ST7: variants seen among roughly 807,000 people sequenced by gnomAD.
ST7 encodes suppressor of tumorigenicity 7 protein.
Under a neutral mutation model 78.7 loss-of-function variants are expected in ST7, and 28 were observed. The ratio of observed to expected loss-of-function variants is 0.36; its 90% CI spans 0.26 to 0.49. ST7 has a LOEUF of 0.49. ST7 is among the 20% of genes least tolerant of loss of function. The pLI is 0.99. For synonymous variants in ST7, 247 were observed against 249.6 expected (o/e 0.99, Z 0.10); for missense variants, 418 against 696.0 (o/e 0.60, Z 4.49).
At chr7:117,014,920 C>G in intron 1 of ST7, 3 of 1,237,250 alleles carry the variant, frequency 2.4e-6, no homozygotes, top group Non-Finnish European at 3.1e-6. Context: ...CAGAACGGTT[C>G]GTCAGTCCAG....
At chr7:117,065,915 C>T (rs1446819523) in intron 1 of ST7, among the ~76,000 whole-genome samples, 1 of 152,186 alleles carries the variant, frequency 6.6e-6, no homozygotes, top group Non-Finnish European at 1.5e-5. Flanking sequence ...TATCATCTGA[C>T]CATGGTTCCT....
intron 9 of ST7, among the ~76,000 whole-genome samples, chr7:117,152,164 ATATATATAAAAAC>A (rs1336632399): frequency 8.3e-6 from 1 of 119,872 alleles, no homozygotes; most frequent in African/African-American, 3.5e-5. Context: ...TATATGTATT[ATATATATAAAAAC>A]TATATATATA....
At chr7:117,152,202 T>TATATATATATATATAC (rs1182698406) in intron 9 of ST7, among the ~76,000 whole-genome samples, 24 of 76,192 alleles carry the variant, frequency 3.1e-4, no homozygotes, top group African/African-American at 1.1e-3. Flanking sequence ...TATATATATA[T>TATATATATATATATAC]ATATATATAT....
At chr7:117,050,554 G>T (rs997850138) in intron 1 of ST7, among the ~76,000 whole-genome samples, 2 of 152,178 alleles carry the variant, frequency 1.3e-5, no homozygotes, top group African/African-American at 4.8e-5. Context: ...TTTATAATTT[G>T]TGTATATTTT....
intron 9 of ST7, among the ~76,000 whole-genome samples, chr7:117,142,355 C>T (rs182563715): frequency 1.2e-3 from 179 of 152,122 alleles, no homozygotes; most frequent in Non-Finnish European, 1.6e-3. Flanking sequence ...TTCTCAGCCT[C>T]AGCACTGTTG....
chr7:117,198,391 A>G (rs966584741), intron 12 of ST7: 1 of 450,746 alleles, frequency 2.2e-6, no homozygotes, highest in Non-Finnish European at 4.5e-6. Context: ...AGCCTGAAGA[A>G]GGACAACCAG....
chr7:117,012,798 G>C (rs1484376732), intron 1 of ST7, among the ~76,000 whole-genome samples: 1 of 152,168 alleles, frequency 6.6e-6, no homozygotes, highest in African/African-American at 2.4e-5. Flanking sequence ...GATGGGAGTT[G>C]AATCTTCTCT....
intron 13 of ST7, among the ~76,000 whole-genome samples, chr7:117,212,181 G>A (rs1358770255): frequency 1.3e-5 from 2 of 152,200 alleles, no homozygotes; most frequent in African/African-American, 4.8e-5. Context: ...AAGAGTGTTT[G>A]TTTAACTAGG....
chr7:117,126,630 A>T (rs775467969), intron 3 of ST7, among the ~76,000 whole-genome samples: 2 of 151,844 alleles, frequency 1.3e-5, no homozygotes, highest in Non-Finnish European at 2.9e-5. Context: ...CTTATGAGTG[A>T]TGGGGTGGGC....
chr7:116,968,198 T>C (rs1473176728), intron 1 of ST7, among the ~76,000 whole-genome samples: 1 of 152,096 alleles, frequency 6.6e-6, no homozygotes, highest in African/African-American at 2.4e-5. Context: ...TTTCTAATAT[T>C]CACTTTTTTT....
chr7:117,133,235 A>G (rs1035253219), intron 6 of ST7, among the ~76,000 whole-genome samples: 14 of 151,644 alleles, frequency 9.2e-5, no homozygotes, highest in Non-Finnish European at 2.1e-4. Flanking sequence ...TTTATGCTAC[A>G]TTTATCATCT....
At chr7:116,973,462 GC>G (rs2116271338) in intron 1 of ST7, among the ~76,000 whole-genome samples, 1 of 152,252 alleles carries the variant, frequency 6.6e-6, no homozygotes, top group East Asian at 1.9e-4. Flanking sequence ...TCCCCATGTT[GC>G]CCAGACTGAC....
chr7:117,174,444 C>G (rs1808216742), intron 10 of ST7, among the ~76,000 whole-genome samples: 1 of 152,150 alleles, frequency 6.6e-6, no homozygotes, highest in African/African-American at 2.4e-5. Context: ...AAGGTAATTG[C>G]TCACAGGAAG....
intron 9 of ST7, among the ~76,000 whole-genome samples, chr7:117,155,862 T>A (rs781484897): frequency 3.3e-5 from 5 of 152,228 alleles, no homozygotes; most frequent in Non-Finnish European, 7.3e-5. Context: ...GCTCCAGCCA[T>A]GCTGGCCTTC....
chr7:116,959,980 G>T (rs1396346271), intron 1 of ST7, among the ~76,000 whole-genome samples: 1 of 152,118 alleles, frequency 6.6e-6, no homozygotes, highest in Non-Finnish European at 1.5e-5. Context: ...GTTTTTTACA[G>T]TTTGGACTCT....
chr7:117,054,744 T>A (rs938748537), intron 1 of ST7, among the ~76,000 whole-genome samples: 2 of 152,334 alleles, frequency 1.3e-5, no homozygotes, highest in African/African-American at 4.8e-5. Context: ...ATTGTTTTTT[T>A]AAAAACAACC....
chr7:117,005,564 G>A (rs918104084), intron 1 of ST7, among the ~76,000 whole-genome samples: 1 of 152,174 alleles, frequency 6.6e-6, no homozygotes, highest in African/African-American at 2.4e-5. Context: ...TAGACCCCAA[G>A]AGATTCCGTT....
At position 117,229,888 on chromosome 7, in the gene ST7, G is replaced by A. The variant is rs758577875; in HGVS notation, c.*31G>A. The A allele has an allele frequency of 7.0e-6, 11 of 1,573,084 alleles. No individual in the cohort carries two copies. Among genetic ancestry groups the A allele is most frequent in the African/African-American group, 4.0e-5 (3 of 74,106 alleles). On this transcript the variant is annotated 3_prime_UTR_variant, in exon 16 of 16. Coordinates refer to ENST00000323984, the MANE Select transcript of ST7 (RefSeq NM_001369598.1). Reference sequence around the variant, plus strand: ...GCCCTGTCCTCCACTCACCTCACCCGCCGCTGCCACCATCTCCTCTGTGCC... The same window carrying A: ...GCCCTGTCCTCCACTCACCTCACCCACCGCTGCCACCATCTCCTCTGTGCC...
In ST7 at chr7:117,211,750, A is replaced by T. The variant is rs376657570; in HGVS notation, c.1405+1813A>T. ...TGGAAACTCTCTTTGGAAATTAGTTATCCATGTGGTCAGATAACAGTGGGG... is the reference window on the plus strand; with the variant it reads ...TGGAAACTCTCTTTGGAAATTAGTTTTCCATGTGGTCAGATAACAGTGGGG... On this transcript the variant is annotated intron_variant, in intron 13 of 15. Coordinates refer to ENST00000323984, the MANE Select transcript of ST7 (RefSeq NM_001369598.1). 1.9e-4 allele frequency among the ~76,000 whole-genome samples: 29 copies of T among 152,326 alleles called. No homozygotes were observed. In the East Asian group the frequency reaches 5.0e-3, roughly 26 times the overall value.
Sources: allele counts gnomAD v4.1 joint callset (sites outside exome capture counted in the v4.1 genomes callset), GRCh38; gene constraint gnomAD v4.1.1; transcripts MANE v1.5; gene names NCBI Gene and HGNC (gene_info 2026-07-23, HGNC 2026-07-21).